VKORC1L1: variants seen among roughly 807,000 people sequenced by gnomAD.
VKORC1L1 encodes vitamin K epoxide reductase complex subunit 1L1.
In VKORC1L1, 2 loss-of-function variants were observed where a neutral mutation model predicts 18.9. The observed-to-expected ratio is 0.11, with a 90% CI of 0.04 to 0.33. The LOEUF (loss-of-function observed/expected upper bound fraction) is 0.33, where lower values mean the gene tolerates loss of function less well. VKORC1L1 is among the 10% of genes least tolerant of loss of function. VKORC1L1 has a pLI of 1.00. For synonymous variants in VKORC1L1, 96 were observed against 100.0 expected, an observed-to-expected ratio of 0.96 and a Z score of 0.24; for missense variants, 123 against 224.1, an observed-to-expected ratio of 0.55 and a Z score of 2.88.
chr7:65,935,420 C>T (rs1789927118), intron 1 of VKORC1L1, among the ~76,000 whole-genome samples: 1 of 152,058 alleles, frequency 6.6e-6, no homozygotes, highest in Non-Finnish European at 1.5e-5. Context: ...AGCGATTCTC[C>T]TGCCTCAGCC....
intron 1 of VKORC1L1, among the ~76,000 whole-genome samples, chr7:65,901,768 A>G (rs899909433): frequency 6.6e-6 from 1 of 152,136 alleles, no homozygotes; most frequent in African/African-American, 2.4e-5. Flanking sequence ...GTCTCCTGAA[A>G]TCTGGTTGAG....
At chr7:65,933,229 A>C (rs1264475055) in intron 1 of VKORC1L1, among the ~76,000 whole-genome samples, 3 of 152,070 alleles carry the variant, frequency 2.0e-5, no homozygotes, top group Non-Finnish European at 4.4e-5. Context: ...AGAGAGAGAG[A>C]TTGAAGTCTT....
chr7:65,904,832 A>T (rs1485947400), intron 1 of VKORC1L1, among the ~76,000 whole-genome samples: 1 of 152,200 alleles, frequency 6.6e-6, no homozygotes, highest in Non-Finnish European at 1.5e-5. Context: ...ATACAAGAGA[A>T]GATAAAAATC....
At chr7:65,938,380 G>A (rs1789980928) in intron 1 of VKORC1L1, among the ~76,000 whole-genome samples, 1 of 152,076 alleles carries the variant, frequency 6.6e-6, no homozygotes, top group Admixed American at 6.6e-5. Flanking sequence ...TGGAGTAAAA[G>A]GAAAAAGAGG....
chr7:65,896,492 C>G (rs1789214355), intron 1 of VKORC1L1, among the ~76,000 whole-genome samples: 2 of 152,060 alleles, frequency 1.3e-5, no homozygotes, highest in Non-Finnish European at 2.9e-5. Context: ...ACAGCTTACC[C>G]TCCTACCAGC....
intron 1 of VKORC1L1, among the ~76,000 whole-genome samples, chr7:65,900,366 G>A (rs1324407510): frequency 2.6e-5 from 4 of 151,364 alleles, no homozygotes; most frequent in Non-Finnish European, 4.4e-5. Flanking sequence ...CTGCACTCCA[G>A]CCTGGGTGAC....
At chr7:65,950,429 C>G (rs1180288877) in intron 2 of VKORC1L1, among the ~76,000 whole-genome samples, 1 of 152,030 alleles carries the variant, frequency 6.6e-6, no homozygotes. Flanking sequence ...ATTCCATTAC[C>G]TGTCAGCTCT....
At chr7:65,873,644 G>T in intron 1 of VKORC1L1, 79 bp downstream of exon 1, 2 of 1,301,972 alleles carry the variant, frequency 1.5e-6, no homozygotes, top group Non-Finnish European at 2.0e-6. Flanking sequence ...CGCGCGGCGG[G>T]AGCTCAGGCC....
In VKORC1L1 at chr7:65,873,503, C is replaced by G. The variant is rs771339016; in HGVS notation, c.132C>G (p.Pro44=). Residue 44 remains proline (P), a synonymous_variant, in exon 1 of 3, where the codon CCC becomes CCG. Coordinates refer to ENST00000360768, the MANE Select transcript of VKORC1L1 (RefSeq NM_173517.6). ...YHVEREKERD[P]EHRALCDLGP... is the part of the protein sequence containing the mutation. ...TGGAGCGGGAGAAGGAGCGGGACCC[C>G]GAGCACCGGGCCCTCTGCGACCTGG... 9.4e-6 allele frequency: 15 copies of G among 1,592,866 alleles called. No individual in the cohort carries two copies. The African/African-American group carries it at 1.8e-4, about 19-fold the overall frequency.
At chr7:65,916,601 CTTT>C (rs869187039) in intron 1 of VKORC1L1, among the ~76,000 whole-genome samples, 1 of 143,546 alleles carries the variant, frequency 7.0e-6, no homozygotes. Context: ...TAGGAAACAT[CTTT>C]TTTTTTTTTT....
At chr7:65,932,506 C>A (rs1460384387) in intron 1 of VKORC1L1, among the ~76,000 whole-genome samples, 1 of 152,194 alleles carries the variant, frequency 6.6e-6, no homozygotes, top group Non-Finnish European at 1.5e-5. Context: ...ACTACTTTAG[C>A]TGCATAACAC....
intron 1 of VKORC1L1, among the ~76,000 whole-genome samples, chr7:65,888,244 AATACTT>A (rs1212538380): frequency 1.3e-5 from 2 of 152,200 alleles, no homozygotes; most frequent in Non-Finnish European, 2.9e-5. Flanking sequence ...CCCTGGGAGA[AATACTT>A]ATATTAAATA....
chr7:65,894,928 A>G (rs1789167200), intron 1 of VKORC1L1, among the ~76,000 whole-genome samples: 2 of 152,168 alleles, frequency 1.3e-5, no homozygotes, highest in Non-Finnish European at 2.9e-5. Context: ...AAAATGAAAG[A>G]TATTTCTGAA....
Position 65,873,142 on chromosome 7 carries a change from C to G in VKORC1L1, c.-230C>G, listed in dbSNP as rs1268899364. 4 of 361,738 alleles carry G rather than the reference C, an allele frequency of 1.1e-5. No homozygotes were observed. The highest frequency in any genetic ancestry group is 1.5e-5 in the Non-Finnish European group (4 of 260,274). 22.4% of individuals were successfully genotyped at this position (361,738 alleles called of 1,614,324 possible). ...CACCCCCTCCCTCCGCGCCCGCGCG[C>G]GCCTTCCCCGCCCCGTCCGCCTCAC... On this transcript the variant is annotated 5_prime_UTR_variant, in exon 1 of 3. Transcript: ENST00000360768.
chr7:65,941,649 ATTG>A lies in VKORC1L1; in HGVS notation c.195-7017_195-7015del, dbSNP rs1418851286. On this transcript the variant is annotated intron_variant, in intron 1 of 2. Transcript: ENST00000360768. ...TGGGTGCCTCTAAGGTGCTGCTGGT[ATTG>A]TTGTGTTTCTTTTTCTTAAGGTTTT... Among the ~76,000 whole-genome samples the A allele has an allele frequency of 4.9e-5, 5 of 102,482 alleles. No individual in the cohort carries two copies. In the East Asian group the frequency reaches 1.5e-3, roughly 31 times the overall value. The allele number at this position is 102,482 out of a possible 152,430, so 67.2% of individuals were successfully genotyped here.
intron 1 of VKORC1L1, among the ~76,000 whole-genome samples, chr7:65,927,002 T>C (rs1396391485): frequency 2.6e-5 from 4 of 151,994 alleles, no homozygotes; most frequent in African/African-American, 9.7e-5. Context: ...ACACATATAG[T>C]GTGGCCAGGC....
At chr7:65,898,787 T>C (rs543414287) in intron 1 of VKORC1L1, among the ~76,000 whole-genome samples, 21 of 152,306 alleles carry the variant, frequency 1.4e-4, no homozygotes, top group Non-Finnish European at 2.8e-4. Flanking sequence ...GTACAACCAG[T>C]CTCCAAAACT....
chr7:65,937,065 G>A (rs2115686963), intron 1 of VKORC1L1, among the ~76,000 whole-genome samples: 1 of 152,300 alleles, frequency 6.6e-6, no homozygotes, highest in East Asian at 1.9e-4. Flanking sequence ...CAGCCCACAT[G>A]GATCTCTTGT....
chr7:65,898,619 A>G (rs1789258324), intron 1 of VKORC1L1, among the ~76,000 whole-genome samples: 1 of 152,198 alleles, frequency 6.6e-6, no homozygotes, highest in African/African-American at 2.4e-5. Flanking sequence ...AGTGGAACCG[A>G]GTGGCCAGAA....
Sources: gnomAD v4.1 joint callset for allele counts (sites outside exome capture counted in the v4.1 genomes callset) on GRCh38, gnomAD v4.1.1 for gene constraint, MANE v1.5 for transcripts, NCBI Gene and HGNC (gene_info 2026-07-23, HGNC 2026-07-21) for gene names.